Variants in PDLIM4 observed in about 807,000 individuals in gnomAD.
PDLIM4 encodes PDZ and LIM domain protein 4.
Under a neutral mutation model 31.3 loss-of-function variants are expected in PDLIM4, and 19 were observed. The ratio of observed to expected loss-of-function variants is 0.61; its 90% CI spans 0.42 to 0.89. The LOEUF is 0.89. Ranked by LOEUF, PDLIM4 falls within the 40% of genes least tolerant of loss-of-function variation. The pLI, the probability that PDLIM4 is intolerant of heterozygous loss-of-function variation, is 0.00. For missense variants in PDLIM4, 442 were observed against 461.1 expected, an observed-to-expected ratio of 0.96 and a Z score of 0.38; for synonymous variants, 176 against 190.1, an observed-to-expected ratio of 0.93 and a Z score of 0.61.
rs1330453231 is a variant in PDLIM4, at chr5:132,270,961, G to A, written c.374G>A (p.Gly125Glu). The A allele has an allele frequency of 3.7e-6, 6 of 1,614,100 alleles. No individual in the cohort carries two copies. The highest frequency in any genetic ancestry group is 2.7e-5 in the African/African-American group (2 of 75,016). Residue 125 changes from glycine to glutamate, a missense_variant, in exon 4 of 7, where the codon GGG becomes GAG. By Grantham distance (98) the Gly-to-Glu change is moderately conservative (BLOSUM62 -2). Coordinates refer to ENST00000253754, the MANE Select transcript of PDLIM4 (RefSeq NM_003687.4). ...TSRRPSGTGT[G>E]PEDGRPSLGS... ...AGGCGGCCCTCAGGCACCGGGACTG[G>A]GCCAGAAGATGGCAGACCAAGCCTG... is the stretch of plus-strand genomic sequence containing the variant.
chr5:132,260,056 G>A (rs896261966), intron 1 of PDLIM4, among the ~76,000 whole-genome samples: 6 of 152,176 alleles, frequency 3.9e-5, no homozygotes, highest in Non-Finnish European at 7.3e-5. Context: ...TACATAGATG[G>A]AGACCCAGGC....
Position 132,257,749 on chromosome 5 carries a change from G to T in PDLIM4, c.15G>T (p.Val5=). The T allele has an allele frequency of 7.4e-6, 11 of 1,494,540 alleles. No homozygotes were observed. The highest frequency in any genetic ancestry group is 9.8e-6 in the Non-Finnish European group (11 of 1,127,112). The allele number at this position is 1,494,540 out of a possible 1,614,324, so 92.6% of individuals were successfully genotyped here. A position where few individuals can be genotyped will look rare whatever the true frequency, so the allele number is the denominator to read the frequency against. ...TCCAGCCCGCGATGCCCCATTCCGT[G>T]ACCCTGCGCGGGCCTTCGCCCTGGG... MPHS[V]TLRGPSPWGF... The change falls in exon 1 of 7, where the codon GTG becomes GTT. Residue 5 remains valine, a synonymous_variant. Coordinates refer to ENST00000253754, the MANE Select transcript of PDLIM4 (RefSeq NM_003687.4). This position sits in a 1 kb window ranked among gnomAD's most constrained non-coding sequence, Gnocchi z 4.3.
At position 132,266,322 on chromosome 5, in the gene PDLIM4, C is replaced by T. The variant is rs536867842; in HGVS notation, c.246-142C>T. On this transcript the variant is annotated intron_variant, in intron 2 of 6. Coordinates refer to ENST00000253754, the MANE Select transcript of PDLIM4 (RefSeq NM_003687.4). ...TGTGGCTCATTGCCACAACAGTCAC[C>T]ATTGTGGTACAGGGGAAAGCACTGG... The T allele has an allele frequency of 1.2e-4, 73 of 602,138 alleles. No homozygotes were observed. The African/African-American group carries it at 1.2e-3, about 10-fold the overall frequency. The allele number at this position is 602,138 out of a possible 1,614,324, so 37.3% of individuals were successfully genotyped here.
rs750679173 is a variant in PDLIM4, at chr5:132,271,385, C to T, written c.589C>T (p.Pro197Ser). 11 of 1,607,238 alleles carry T rather than the reference C, an allele frequency of 6.8e-6. No homozygotes were observed. The Admixed American group carries it at 1.7e-4, about 24-fold the overall frequency. Residue 197 changes from proline to serine, a missense_variant, in exon 5 of 7, where the codon CCA (proline) becomes TCA (serine). By Grantham distance (74) the Pro-to-Ser change is moderately conservative. Coordinates refer to ENST00000253754, the MANE Select transcript of PDLIM4 (RefSeq NM_003687.4). ...CGAGGTGTACAGGATGCTGCGGGAG[C>T]CAGCCGAGCCCGTGGCCGCGGAGCC... ...GSEVYRMLRE[P>S]AEPVAAEPKQ...
intron 3 of PDLIM4, among the ~76,000 whole-genome samples, chr5:132,268,934 C>G (rs561212313): frequency 1.3e-5 from 2 of 152,306 alleles, no homozygotes; most frequent in South Asian, 4.1e-4. Context: ...GGGGAAAATA[C>G]AGGACTGGGG....
intron 2 of PDLIM4, among the ~76,000 whole-genome samples, chr5:132,266,077 G>T (rs745779255): frequency 2.0e-5 from 3 of 152,196 alleles, no homozygotes; most frequent in Non-Finnish European, 1.5e-5. Flanking sequence ...CAGAGGATGC[G>T]TGGATAGGCT....
At chr5:132,271,615 G>GGTA in intron 5 of PDLIM4, 149 bp downstream of exon 5, 1 of 971,806 alleles carries the variant, frequency 1.0e-6, no homozygotes, top group Non-Finnish European at 1.6e-6. Flanking sequence ...ACCTTGCTAC[G>GGTA]CCCTGGCTTC....
rs1202939625 is a variant in PDLIM4 at position 132,271,820 on chromosome 5, A to G, written c.700A>G (p.Asn234Asp). 1.2e-6 allele frequency: 2 copies of G among 1,612,838 alleles called. No homozygotes were observed. Among genetic ancestry groups the G allele is most frequent in the South Asian group, 2.2e-5 (2 of 91,080 alleles). The change falls in exon 6 of 7, where the codon AAC (asparagine) becomes GAC (aspartate). Residue 234 changes from asparagine to aspartate, a missense_variant. Asn to Asp is a conservative substitution (Grantham distance 23). Transcript: ENST00000253754. Reference sequence around the variant, plus strand: ...TTGGCCCGGGCCTGGCGGCCCCCGGAACCTCAAGCCCACGGCCAGCAAGCT... The same window carrying G: ...TTGGCCCGGGCCTGGCGGCCCCCGGGACCTCAAGCCCACGGCCAGCAAGCT... ...GDWPGPGGPRNLKPTASKLGA... is the reference protein window; with the variant it reads ...GDWPGPGGPRDLKPTASKLGA...
intron 3 of PDLIM4, among the ~76,000 whole-genome samples, chr5:132,267,463 G>T (rs887056561): frequency 1.3e-5 from 2 of 152,226 alleles, no homozygotes; most frequent in African/African-American, 4.8e-5. Context: ...TCCAGGCAGT[G>T]CCCATTCTGG....
At chr5:132,264,104 T>C (rs1756437993) in intron 2 of PDLIM4, among the ~76,000 whole-genome samples, 1 of 152,174 alleles carries the variant, frequency 6.6e-6, no homozygotes, top group Non-Finnish European at 1.5e-5. Flanking sequence ...TCTGTGTGGC[T>C]GAACAAGGGC....
intron 3 of PDLIM4, among the ~76,000 whole-genome samples, chr5:132,267,465 C>G (rs1357897774): frequency 6.6e-6 from 1 of 152,198 alleles, no homozygotes; most frequent in South Asian, 2.1e-4. Flanking sequence ...CAGGCAGTGC[C>G]CATTCTGGCA....
rs1294179130 is a variant in PDLIM4, at chr5:132,271,998, G to A, written c.789-27G>A. On this transcript the variant is annotated intron_variant, in intron 6 of 6. Transcript: ENST00000253754. Reference sequence around the variant, plus strand: ...GTCGTGAACCCATCAGTCACTCGACGCTGTCCTGTCTCGTTCCCCCCATCA... The same window carrying A: ...GTCGTGAACCCATCAGTCACTCGACACTGTCCTGTCTCGTTCCCCCCATCA... 7 of 1,610,158 alleles carry A rather than the reference G, an allele frequency of 4.3e-6. No individual in the cohort carries two copies. The South Asian group carries it at 4.4e-5, about 10-fold the overall frequency.
intron 2 of PDLIM4, 102 bp downstream of exon 2, chr5:132,262,862 T>A: frequency 1.8e-6 from 2 of 1,141,118 alleles, no homozygotes; most frequent in Non-Finnish European, 2.5e-6. Context: ...CCTCTCTGCC[T>A]CAGCTCCTGG....
intron 1 of PDLIM4, among the ~76,000 whole-genome samples, chr5:132,259,949 CTTAT>C (rs34992375): frequency 0.66 from 99,389 of 151,660 alleles, 33,438 homozygotes; most frequent in African/African-American, 0.78. Context: ...TGAGCACCAC[CTTAT>C]TTATGCCCAG....
rs944473973 is a variant in PDLIM4, at chr5:132,273,287, G to C, written c.*1058G>C. The C allele has an allele frequency of 5.9e-5, 9 of 152,194 alleles. No individual in the cohort carries two copies. Among genetic ancestry groups the C allele is most frequent in the African/African-American group, 2.2e-4 (9 of 41,424 alleles). The allele number at this position is 152,194 out of a possible 1,614,324, so 9.4% of individuals were successfully genotyped here. ...CGAGCCCAGAGTAACGTACATTTGTGCTGTTTTCAATTTTGTGCTATCGCA... is the reference window on the plus strand; with the variant it reads ...CGAGCCCAGAGTAACGTACATTTGTCCTGTTTTCAATTTTGTGCTATCGCA... On this transcript the variant is annotated 3_prime_UTR_variant, in exon 7 of 7. Coordinates refer to ENST00000253754, the MANE Select transcript of PDLIM4 (RefSeq NM_003687.4).
At chr5:132,271,761 C>T (rs535617458) in intron 5 of PDLIM4, 30 bp from the exon 6 acceptor site, 3 of 1,445,690 alleles carry the variant, frequency 2.1e-6, no homozygotes, top group Non-Finnish European at 9.7e-7. Flanking sequence ...CTCCTCACCC[C>T]GTTCATGCCA....
At chr5:132,265,269 C>T (rs1177609094) in intron 2 of PDLIM4, among the ~76,000 whole-genome samples, 1 of 152,214 alleles carries the variant, frequency 6.6e-6, no homozygotes, top group African/African-American at 2.4e-5. Context: ...CGACCTTAGA[C>T]GTCAGGCTTG....
intron 3 of PDLIM4, 181 bp downstream of exon 3, chr5:132,266,726 G>A (rs1049257421): frequency 4.0e-6 from 2 of 495,400 alleles, no homozygotes; most frequent in Non-Finnish European, 7.2e-6. Flanking sequence ...CTCAGATGAT[G>A]AGCACCTGGT....
intron 1 of PDLIM4, 91 bp from the exon 2 acceptor site, chr5:132,262,518 C>G (rs1161236391): frequency 8.1e-7 from 1 of 1,235,138 alleles, no homozygotes; most frequent in Non-Finnish European, 1.1e-6. Flanking sequence ...GCCACACTGG[C>G]TAGGTTCTGA....
Sources: gnomAD v4.1 joint callset for allele counts (sites outside exome capture counted in the v4.1 genomes callset) on GRCh38, gnomAD v4.1.1 for gene constraint, Gnocchi (gnomAD v3.1) non-coding constraint, MANE v1.5 for transcripts, NCBI Gene and HGNC (gene_info 2026-07-23, HGNC 2026-07-21) for gene names.